TMEM232: variants seen among roughly 807,000 people sequenced by gnomAD.
TMEM232 encodes the protein transmembrane protein 232.
Under a neutral mutation model 78.8 loss-of-function variants are expected in TMEM232, and 80 were observed. The ratio of observed to expected loss-of-function variants is 1.01; its 90% CI spans 0.85 to 1.22. The LOEUF (loss-of-function observed/expected upper bound fraction) is 1.22. Ranked by LOEUF, TMEM232 falls within the 50% of genes most tolerant of loss-of-function variation. TMEM232 has a pLI of 0.00. For synonymous variants in TMEM232, 297 were observed against 254.3 expected (o/e 1.17, Z -1.60); for missense variants, 881 against 742.2 (o/e 1.19, Z -2.17).
intron 10 of TMEM232, among the ~76,000 whole-genome samples, chr5:110,592,418 T>C (rs1779639839): frequency 6.6e-6 from 1 of 152,156 alleles, no homozygotes; most frequent in Non-Finnish European, 1.5e-5. Context: ...ATGCCACTAG[T>C]ACTATTTATG....
chr5:110,582,594 G>C (rs990208357), intron 10 of TMEM232, among the ~76,000 whole-genome samples: 3 of 151,842 alleles, frequency 2.0e-5, no homozygotes, highest in Non-Finnish European at 4.4e-5. Context: ...ACCTGTACCA[G>C]GAACAAGCCA....
chr5:110,707,308 T>C (rs1252179833), intron 1 of TMEM232, among the ~76,000 whole-genome samples: 1 of 152,168 alleles, frequency 6.6e-6, no homozygotes, highest in African/African-American at 2.4e-5. Flanking sequence ...CCCCAGCCGA[T>C]GGCACCATGG....
chr5:110,629,272 G>A (rs974045067), intron 5 of TMEM232, among the ~76,000 whole-genome samples: 8 of 151,898 alleles, frequency 5.3e-5, no homozygotes, highest in Non-Finnish European at 8.8e-5. Flanking sequence ...TGTAATAGGG[G>A]ACAAAACAGA....
At chr5:110,523,334 A>C (rs1443946862) in intron 12 of TMEM232, among the ~76,000 whole-genome samples, 3 of 151,360 alleles carry the variant, frequency 2.0e-5, no homozygotes, top group African/African-American at 7.4e-5. Context: ...CTTTTAAAAA[A>C]ACTAACTTTT....
chr5:110,449,784 C>T (rs1010234621), intron 12 of TMEM232, among the ~76,000 whole-genome samples: 10 of 152,120 alleles, frequency 6.6e-5, no homozygotes, highest in African/African-American at 2.4e-4. Flanking sequence ...CTTCCAAAAG[C>T]TTAGAATCTA....
At chr5:110,442,405 TAA>T (rs1399484422) in intron 12 of TMEM232, among the ~76,000 whole-genome samples, 2 of 151,998 alleles carry the variant, frequency 1.3e-5, no homozygotes, top group African/African-American at 2.4e-5. Context: ...GTTCTGCTAT[TAA>T]GAGACTCTGA....
In TMEM232 at chr5:110,735,976, C is replaced by T. The variant is rs562059575; in HGVS notation, c.-125-961G>A. On this transcript the variant is annotated intron_variant, in intron 1 of 4. Coordinates refer to the TMEM232 transcript ENST00000512886. ...GGAAACCTAAGGCAGAACTATCCAGCGAAGCCACTCTGAAATTTTTAAATT... is the reference window on the plus strand; with the variant it reads ...GGAAACCTAAGGCAGAACTATCCAGTGAAGCCACTCTGAAATTTTTAAATT... 7.2e-5 allele frequency among the ~76,000 whole-genome samples: 11 copies of T among 152,234 alleles called. No homozygotes were observed. In the South Asian group the frequency reaches 2.1e-3, roughly 29 times the overall value.
chr5:110,473,671 T>C (rs923908104), intron 12 of TMEM232, among the ~76,000 whole-genome samples: 1 of 151,144 alleles, frequency 6.6e-6, no homozygotes, highest in African/African-American at 2.4e-5. Flanking sequence ...TTATGTCAAA[T>C]AGATATCTGC....
intron 1 of TMEM232, among the ~76,000 whole-genome samples, chr5:110,721,376 C>T (rs1193714670): frequency 6.6e-6 from 1 of 151,800 alleles, no homozygotes; most frequent in Non-Finnish European, 1.5e-5. Flanking sequence ...GCAATACTAC[C>T]TTCTAGGTAA....
intron 1 of TMEM232, among the ~76,000 whole-genome samples, chr5:110,705,451 T>C (rs28520217): frequency 0.012 from 1,837 of 152,156 alleles, 45 homozygotes; most frequent in African/African-American, 0.041. Context: ...ATGATGCTAC[T>C]GCTAAGTGGG....
intron 2 of TMEM232, among the ~76,000 whole-genome samples, chr5:110,734,638 T>A (rs1253463377): frequency 6.6e-6 from 1 of 152,194 alleles, no homozygotes; most frequent in Admixed American, 6.5e-5. Context: ...CAATTCACAA[T>A]TTAAAATATT....
chr5:110,455,427 G>C (rs1363809795), intron 12 of TMEM232, among the ~76,000 whole-genome samples: 13 of 151,588 alleles, frequency 8.6e-5, no homozygotes, highest in African/African-American at 2.4e-5. Flanking sequence ...GCCCAGGCTG[G>C]AGTGCAGTGG....
chr5:110,389,159 G>C (rs976346009), intron 4 of TMEM232, among the ~76,000 whole-genome samples: 3 of 152,140 alleles, frequency 2.0e-5, no homozygotes, highest in South Asian at 2.1e-4. Flanking sequence ...TACTTGGGAG[G>C]CTGAGGCAGG....
intron 12 of TMEM232, among the ~76,000 whole-genome samples, chr5:110,523,767 A>C (rs1029139050): frequency 3.9e-5 from 6 of 151,942 alleles, no homozygotes; most frequent in Admixed American, 6.6e-5. Context: ...ACCCTGGGCA[A>C]TATAAGTAGG....
chr5:110,593,577 CA>C (rs1779790939), intron 10 of TMEM232, among the ~76,000 whole-genome samples: 1 of 152,046 alleles, frequency 6.6e-6, no homozygotes, highest in African/African-American at 2.4e-5. Context: ...CACAGTAGGA[CA>C]ACCTGCATAT....
chr5:110,703,957 A>C (rs919351588), intron 1 of TMEM232, among the ~76,000 whole-genome samples: 4 of 152,064 alleles, frequency 2.6e-5, no homozygotes, highest in African/African-American at 9.7e-5. Context: ...AAAAACATCA[A>C]TTATCCCCCT....
At chr5:110,391,326 T>TGAGAGA (rs71626630) in intron 3 of TMEM232, among the ~76,000 whole-genome samples, 5 of 139,918 alleles carry the variant, frequency 3.6e-5, no homozygotes, top group African/African-American at 1.5e-4. Flanking sequence ...TGTGTGTGTG[T>TGAGAGA]GAGAGAGAGA....
rs536336424 is a variant in TMEM232 at position 110,402,996 on chromosome 5, A to C, written n.309-5142T>G. On this transcript the variant is annotated intron_variant and non_coding_transcript_variant, in intron 2 of 8. Coordinates refer to the TMEM232 transcript ENST00000507188. ...CTACAGTGTTTTGCAGAAAACAAAA[A>C]GACAAAAATAAGACAACAAGAAATA... is the stretch of plus-strand genomic sequence containing the variant. 2.0e-5 allele frequency among the ~76,000 whole-genome samples: 3 copies of C among 152,250 alleles called. No homozygotes were observed. The East Asian group carries it at 5.8e-4, about 29-fold the overall frequency.
In TMEM232 at chr5:110,398,393, G is replaced by A. The variant is rs183799746; in HGVS notation, n.309-539C>T. On this transcript the variant is annotated intron_variant and non_coding_transcript_variant, in intron 2 of 8. Coordinates refer to the TMEM232 transcript ENST00000507188. ...CTCCTAATCTTGAGTCAAAGACTCC[G>A]TGAGGTCTATTTAAGTATCGCGTGC... Among the ~76,000 whole-genome samples the A allele has an allele frequency of 3.9e-5, 6 of 152,252 alleles. No individual in the cohort carries two copies. The East Asian group carries it at 9.6e-4, about 24-fold the overall frequency.
Sources: gnomAD v4.1 joint callset for allele counts (sites outside exome capture counted in the v4.1 genomes callset) on GRCh38, gnomAD v4.1.1 for gene constraint, MANE v1.5 for transcripts, NCBI Gene and HGNC (gene_info 2026-07-23, HGNC 2026-07-21) for gene names.